GDAP2: variants seen among roughly 807,000 people sequenced by gnomAD.
GDAP2 encodes ganglioside-induced differentiation-associated protein 2.
In GDAP2, 51 loss-of-function variants were observed where a neutral mutation model predicts 67.0. The ratio of observed to expected loss-of-function variants is 0.76; its 90% CI spans 0.61 to 0.96. The LOEUF (loss-of-function observed/expected upper bound fraction) is 0.96, where lower values mean the gene tolerates loss of function less well. Ranked by LOEUF, GDAP2 falls within the 40% of genes least tolerant of loss-of-function variation. GDAP2 has a pLI of 0.00. For synonymous variants in GDAP2, 203 were observed against 207.3 expected, an observed-to-expected ratio of 0.98 and a Z score of 0.18; for missense variants, 547 against 588.3, an observed-to-expected ratio of 0.93 and a Z score of 0.73.
At chr1:117,909,290 A>C (rs1340839228) in intron 5 of GDAP2, among the ~76,000 whole-genome samples, 3 of 152,174 alleles carry the variant, frequency 2.0e-5, no homozygotes, top group Non-Finnish European at 4.4e-5. Flanking sequence ...TAGTCACTTA[A>C]ATTTTTGTTG....
chr1:117,889,239 T>C lies in GDAP2; in HGVS notation c.954-1465A>G, dbSNP rs542104074. On this transcript the variant is annotated intron_variant, in intron 8 of 13. Transcript: ENST00000369443. ...TTTCTTTGACAAATAATGTATGTAA[T>C]GTATTGATATACGGATACATTGTAA... Among the ~76,000 whole-genome samples the C allele has an allele frequency of 1.1e-3, 170 of 152,260 alleles. 1 individual carries two copies. The Middle Eastern group carries it at 0.017, about 15-fold the overall frequency.
chr1:117,919,370 C>CAAA (rs533363950), intron 2 of GDAP2, among the ~76,000 whole-genome samples: 3,008 of 94,338 alleles, frequency 0.032, 116 homozygotes, highest in African/African-American at 0.1. Context: ...CAAGACTCCT[C>CAAA]AAAAAAAAAA....
intron 12 of GDAP2, among the ~76,000 whole-genome samples, chr1:117,880,572 T>C (rs1406746510): frequency 6.6e-6 from 1 of 152,178 alleles, no homozygotes; most frequent in African/African-American, 2.4e-5. Context: ...AGTTGGTAGA[T>C]AATTTGGATC....
chr1:117,883,666 G>A (rs1302069102), intron 10 of GDAP2, 39 bp from the exon 11 acceptor site: 2 of 1,481,710 alleles, frequency 1.3e-6, no homozygotes, highest in Non-Finnish European at 9.3e-7. Context: ...AGATCATTTT[G>A]AACAGTAGTC....
intron 5 of GDAP2, among the ~76,000 whole-genome samples, chr1:117,909,337 G>T (rs1300282881): frequency 1.3e-5 from 2 of 152,004 alleles, no homozygotes; most frequent in African/African-American, 4.8e-5. Flanking sequence ...TTTCAATGCA[G>T]ATATTTCTTT....
Position 117,868,126 on chromosome 1 carries a change from G to A in GDAP2, c.*2443C>T, listed in dbSNP as rs1017455399. 33 of 152,194 alleles carry A rather than the reference G, an allele frequency of 2.2e-4. No individual in the cohort carries two copies. The highest frequency in any genetic ancestry group is 7.7e-4 in the African/African-American group (32 of 41,526). 9.4% of individuals were successfully genotyped at this position (152,194 alleles called of 1,614,324 possible). A position where few individuals can be genotyped will look rare whatever the true frequency, so the allele number is the denominator to read the frequency against. ...CTTGAAAATGGCATGTATTATTCAG[G>A]CTAAACCTTTTCACAAAGGCAGATT... On this transcript the variant is annotated 3_prime_UTR_variant, in exon 14 of 14. Transcript: ENST00000369443.
At position 117,929,438 on chromosome 1, in the gene GDAP2, C is replaced by G. The variant is rs1650603683; in HGVS notation, c.-68+10G>C. The G allele has an allele frequency of 6.5e-6, 1 of 153,056 alleles. No individual in the cohort carries two copies. 9.5% of individuals were successfully genotyped at this position (153,056 alleles called of 1,614,324 possible). Reference sequence around the variant, plus strand: ...CCGCCTTCCCTCCCGGCCTCAGTCCCTCCTCTCACAGCACTCTGGTGGTCC... The same window carrying G: ...CCGCCTTCCCTCCCGGCCTCAGTCCGTCCTCTCACAGCACTCTGGTGGTCC... On this transcript the variant is annotated intron_variant, in intron 1 of 13. Transcript: ENST00000369443.
intron 6 of GDAP2, among the ~76,000 whole-genome samples, chr1:117,902,987 T>A (rs1649534970): frequency 6.6e-6 from 1 of 152,216 alleles, no homozygotes; most frequent in Admixed American, 6.5e-5. Context: ...GTTCTTTTGT[T>A]AAGTATAGTT....
At chr1:117,923,534 TG>T (rs1650333033) in intron 1 of GDAP2, among the ~76,000 whole-genome samples, 1 of 152,186 alleles carries the variant, frequency 6.6e-6, no homozygotes, top group Admixed American at 6.5e-5. Context: ...TTAATGGGTT[TG>T]GTAAGTTGGA....
intron 5 of GDAP2, among the ~76,000 whole-genome samples, chr1:117,909,396 A>G (rs1040627751): frequency 2.0e-5 from 3 of 152,190 alleles, no homozygotes; most frequent in African/African-American, 7.2e-5. Flanking sequence ...AGAAAAAAAA[A>G]GCACGTGTCT....
chr1:117,873,314 T>C (rs528637568), intron 13 of GDAP2, among the ~76,000 whole-genome samples: 35 of 152,254 alleles, frequency 2.3e-4, no homozygotes, highest in African/African-American at 8.2e-4. Context: ...AAATAGCTTC[T>C]GATTACCTTC....
At chr1:117,879,145 G>A (rs1648566485) in intron 12 of GDAP2, among the ~76,000 whole-genome samples, 1 of 152,174 alleles carries the variant, frequency 6.6e-6, no homozygotes, top group African/African-American at 2.4e-5. Flanking sequence ...AAAGCTGATA[G>A]TGGGATGAAC....
intron 6 of GDAP2, among the ~76,000 whole-genome samples, chr1:117,901,988 C>T (rs1389441807): frequency 8.5e-5 from 13 of 152,176 alleles, no homozygotes. Context: ...GTAAGTCCTG[C>T]CCTGCCTTGC....
At chr1:117,883,821 T>A (rs1283650387) in intron 10 of GDAP2, among the ~76,000 whole-genome samples, 194 bp from the exon 11 acceptor site, 2 of 152,160 alleles carry the variant, frequency 1.3e-5, no homozygotes, top group Non-Finnish European at 2.9e-5. Flanking sequence ...ATCATCCCAG[T>A]GTTTAATAAT....
chr1:117,880,720 T>C (rs911823910), intron 12 of GDAP2, among the ~76,000 whole-genome samples: 1 of 152,210 alleles, frequency 6.6e-6, no homozygotes, highest in African/African-American at 2.4e-5. Context: ...CTGTTGGTTA[T>C]CTTGGTTCCT....
rs751783835 is a variant in GDAP2, at chr1:117,878,078, G to A, written c.1377C>T (p.His459=). ...KDKIHHVDSL[H]QLFSAISPEQ... Reference sequence around the variant, plus strand: ...CTGGTGATATGGCAGAAAACAGCTGGTGGAGGCTGTCCACATGGTGGATTT... The same window carrying A: ...CTGGTGATATGGCAGAAAACAGCTGATGGAGGCTGTCCACATGGTGGATTT... The change falls in exon 13 of 14, where the codon CAC becomes CAT. Residue 459 remains histidine, a synonymous_variant. Coordinates refer to ENST00000369443, the MANE Select transcript of GDAP2 (RefSeq NM_017686.4). 4 of 1,612,130 alleles carry A rather than the reference G, an allele frequency of 2.5e-6. No individual in the cohort carries two copies. The highest frequency in any genetic ancestry group is 1.7e-5 in the Admixed American group (1 of 59,998).
intron 6 of GDAP2, among the ~76,000 whole-genome samples, chr1:117,903,514 C>A (rs1260705155): frequency 6.6e-6 from 1 of 152,162 alleles, no homozygotes; most frequent in Non-Finnish European, 1.5e-5. Flanking sequence ...TTCTTTTCTA[C>A]ATCTATTCAG....
At chr1:117,879,592 C>T (rs1281678422) in intron 12 of GDAP2, among the ~76,000 whole-genome samples, 2 of 152,038 alleles carry the variant, frequency 1.3e-5, no homozygotes, top group African/African-American at 4.8e-5. Flanking sequence ...TTTCATCTTT[C>T]AATAACCCTA....
chr1:117,882,884 T>G (rs1195275650), intron 11 of GDAP2: 1 of 152,174 alleles, frequency 6.6e-6, no homozygotes, highest in Admixed American at 6.6e-5. Flanking sequence ...ACAGGAGGGT[T>G]GAGTGCCACT....
Sources: gnomAD v4.1 joint callset for allele counts (sites outside exome capture counted in the v4.1 genomes callset) on GRCh38, gnomAD v4.1.1 for gene constraint, MANE v1.5 for transcripts, NCBI Gene and HGNC (gene_info 2026-07-23, HGNC 2026-07-21) for gene names.